The following SDCCAG8 variants were observed in gnomAD, a reference collection of about 807,000 sequenced individuals.
SDCCAG8 encodes serologically defined colon cancer antigen 8.
SDCCAG8 carries 74 observed loss-of-function variants against 101.8 expected under a neutral mutation model. The observed-to-expected ratio is 0.73, with a 90% CI of 0.60 to 0.88. The LOEUF (loss-of-function observed/expected upper bound fraction) is 0.88, where lower values mean the gene tolerates loss of function less well. Ranked by LOEUF, SDCCAG8 falls within the 40% of genes least tolerant of loss-of-function variation. The pLI, the probability that SDCCAG8 is intolerant of heterozygous loss-of-function variation, is 0.00. For missense variants in SDCCAG8, 787 were observed against 822.6 expected, an observed-to-expected ratio of 0.96 and a Z score of 0.53; for synonymous variants, 281 against 292.9, an observed-to-expected ratio of 0.96 and a Z score of 0.41.
intron 16 of SDCCAG8, among the ~76,000 whole-genome samples, chr1:243,435,944 A>G (rs536937478): frequency 6.6e-6 from 1 of 152,244 alleles, no homozygotes; most frequent in East Asian, 1.9e-4. Flanking sequence ...AAGATTTCCC[A>G]TATACCCCAT....
intron 1 of SDCCAG8, among the ~76,000 whole-genome samples, chr1:243,259,292 A>G (rs953130000): frequency 6.6e-6 from 1 of 151,952 alleles, no homozygotes; most frequent in Non-Finnish European, 1.5e-5. Flanking sequence ...CTGTAGTCCC[A>G]GCTACTCAGG....
chr1:243,283,145 G>T (rs2069222913), intron 4 of SDCCAG8, among the ~76,000 whole-genome samples: 1 of 152,038 alleles, frequency 6.6e-6, no homozygotes. Context: ...ACCGCACCCG[G>T]CCTGATTTTT....
chr1:243,326,296 G>T (rs987320124), intron 9 of SDCCAG8, among the ~76,000 whole-genome samples: 3 of 152,104 alleles, frequency 2.0e-5, no homozygotes, highest in Non-Finnish European at 4.4e-5. Context: ...CTGAAGATTA[G>T]TTTTTAAAAC....
At chr1:243,275,951 A>G (rs1572907148) in intron 4 of SDCCAG8, among the ~76,000 whole-genome samples, 1 of 135,856 alleles carries the variant, frequency 7.4e-6, no homozygotes, top group Admixed American at 8.6e-5. Context: ...GCAACCTCCG[A>G]CTCCCTGGTT....
chr1:243,297,902 G>T (rs2071091054), intron 6 of SDCCAG8, among the ~76,000 whole-genome samples: 1 of 151,986 alleles, frequency 6.6e-6, no homozygotes, highest in South Asian at 2.1e-4. Context: ...TCTCTTGATA[G>T]TTTGCTTGCT....
rs1482228595 is a variant in SDCCAG8, at chr1:243,412,857, A to G, written c.1617-2845A>G. Among the ~76,000 whole-genome samples, 8 of 151,924 alleles carry G rather than the reference A, an allele frequency of 5.3e-5. No individual in the cohort carries two copies. In the South Asian group the frequency reaches 6.2e-4, roughly 12 times the overall value. ...TTTTTAAGTAGGTTTTTTTTTTCCA[A>G]CTGTAAAGTGAGAGGGTTTGATGAA... On this transcript the variant is annotated intron_variant, in intron 13 of 17. Coordinates refer to ENST00000366541, the MANE Select transcript of SDCCAG8 (RefSeq NM_006642.5).
chr1:243,332,695 G>A (rs1353571354), intron 10 of SDCCAG8, among the ~76,000 whole-genome samples: 3 of 152,060 alleles, frequency 2.0e-5, no homozygotes, highest in African/African-American at 7.3e-5. Flanking sequence ...CAGGTCTGGA[G>A]GTGATTTTCG....
At chr1:243,408,972 C>T (rs1001298868) in intron 13 of SDCCAG8, among the ~76,000 whole-genome samples, 7 of 152,148 alleles carry the variant, frequency 4.6e-5, no homozygotes, top group East Asian at 1.9e-4. Flanking sequence ...AGTCTATAGT[C>T]ACACAGGTGA....
In SDCCAG8 at chr1:243,499,847, G is replaced by A; in HGVS notation, c.*62G>A. ...GAGATATTTACATTCATCTGGTTTA[G>A]ACTTAATATGCCACAACGCACCACG... On this transcript the variant is annotated 3_prime_UTR_variant, in exon 18 of 18. Transcript: ENST00000366541. 6.6e-7 allele frequency: 1 copy of A among 1,511,920 alleles called. No homozygotes were observed. Among genetic ancestry groups the A allele is most frequent in the Non-Finnish European group, 9.2e-7 (1 of 1,092,334 alleles). 93.7% of individuals were successfully genotyped at this position (1,511,920 alleles called of 1,614,324 possible).
intron 15 of SDCCAG8, among the ~76,000 whole-genome samples, chr1:243,420,517 G>A (rs907285900): frequency 6.6e-6 from 1 of 152,158 alleles, no homozygotes; most frequent in African/African-American, 2.4e-5. Flanking sequence ...TTTTAAAACA[G>A]CCAGATCAGG....
intron 17 of SDCCAG8, among the ~76,000 whole-genome samples, chr1:243,495,404 C>T (rs1208059071): frequency 6.6e-6 from 1 of 152,212 alleles, no homozygotes; most frequent in African/African-American, 2.4e-5. Flanking sequence ...AAAGCCAAGC[C>T]CTGCGGTGGA....
intron 17 of SDCCAG8, among the ~76,000 whole-genome samples, chr1:243,490,607 G>A (rs1666164287): frequency 6.6e-6 from 1 of 152,248 alleles, no homozygotes; most frequent in South Asian, 2.1e-4. Context: ...TGCACAGTGG[G>A]CATGGTGCAC....
intron 13 of SDCCAG8, among the ~76,000 whole-genome samples, chr1:243,397,186 G>A (rs2079078512): frequency 6.6e-6 from 1 of 152,118 alleles, no homozygotes; most frequent in African/African-American, 2.4e-5. Flanking sequence ...TGCGATCAGT[G>A]GCTAAAAGTG....
intron 16 of SDCCAG8, among the ~76,000 whole-genome samples, chr1:243,430,606 T>A (rs930007589): frequency 1.3e-5 from 2 of 151,604 alleles, no homozygotes; most frequent in African/African-American, 2.4e-5. Context: ...GCCCGGCTAA[T>A]TTTTTGTATT....
rs1354794840 is a variant in SDCCAG8, at chr1:243,293,220, GTGAGTATT to G, written c.675+4_675+11del. 6.2e-7 allele frequency: 1 copy of G among 1,613,974 alleles called. No homozygotes were observed. The highest frequency in any genetic ancestry group is 8.5e-7 in the Non-Finnish European group (1 of 1,179,946). On this transcript the variant is annotated splice_donor_variant and splice_donor_5th_base_variant and intron_variant, in intron 6 of 17. Coordinates refer to ENST00000366541, the MANE Select transcript of SDCCAG8 (RefSeq NM_006642.5). LOFTEE classifies it high-confidence loss of function. ...ATCTGCTGGTGAGCAGCTAGAACTG[GTGAGTATT>G]TGGGTGCTTTTCTCTTATACATCTT... is the stretch of plus-strand genomic sequence containing the variant.
chr1:243,303,781 T>C (rs912495260), intron 6 of SDCCAG8, among the ~76,000 whole-genome samples: 1 of 152,016 alleles, frequency 6.6e-6, no homozygotes, highest in Non-Finnish European at 1.5e-5. Context: ...GAGTCAAAAG[T>C]TATACATGGG....
At chr1:243,485,910 A>T (rs1004270785) in intron 16 of SDCCAG8, among the ~76,000 whole-genome samples, 1 of 149,484 alleles carries the variant, frequency 6.7e-6, no homozygotes, top group African/African-American at 2.5e-5. Flanking sequence ...AAAAAAAATC[A>T]ATCTCGGGCC....
chr1:243,290,558 T>C (rs1387858330), intron 5 of SDCCAG8, among the ~76,000 whole-genome samples: 1 of 152,184 alleles, frequency 6.6e-6, no homozygotes, highest in Non-Finnish European at 1.5e-5. Flanking sequence ...TGTGGTATAC[T>C]CTCAAGTCCC....
chr1:243,464,329 G>C (rs968549420), intron 16 of SDCCAG8, among the ~76,000 whole-genome samples: 4 of 152,116 alleles, frequency 2.6e-5, no homozygotes, highest in African/African-American at 9.7e-5. Flanking sequence ...TTTTATTCAT[G>C]GGAGGTCACA....
Sources: gnomAD v4.1 joint callset for allele counts (sites outside exome capture counted in the v4.1 genomes callset) on GRCh38, gnomAD v4.1.1 for gene constraint, MANE v1.5 for transcripts, NCBI Gene and HGNC (gene_info 2026-07-23, HGNC 2026-07-21) for gene names.